The following XPO1 variants were observed in gnomAD, a reference collection of about 807,000 sequenced individuals.
XPO1 encodes the protein exportin 1.
A neutral mutation model predicts 133.3 loss-of-function variants in XPO1; 5 were observed. The observed-to-expected ratio is 0.04, with a 90% CI of 0.02 to 0.08. XPO1 has a LOEUF of 0.08. Among genes scored for constraint, XPO1 ranks in the 10% least tolerant of loss-of-function variants. The pLI is 1.00. For synonymous variants in XPO1, 419 were observed against 408.2 expected, an observed-to-expected ratio of 1.03 and a Z score of -0.32; for missense variants, 506 against 1,267.5, an observed-to-expected ratio of 0.40 and a Z score of 9.12.
At chr2:61,530,808 A>G (rs1434388908) in intron 2 of XPO1, among the ~76,000 whole-genome samples, 3 of 151,594 alleles carry the variant, frequency 2.0e-5, no homozygotes, top group Non-Finnish European at 4.4e-5. Flanking sequence ...TTTTCTTGTC[A>G]TTAGTGCATA....
intron 16 of XPO1, among the ~76,000 whole-genome samples, chr2:61,491,797 G>T (rs1207763548): frequency 6.6e-6 from 1 of 152,000 alleles, no homozygotes; most frequent in African/African-American, 2.4e-5. Context: ...CTACCCACGA[G>T]GCCAAGGTGG....
At chr2:61,534,092 T>A (rs957321649) in intron 1 of XPO1, 189 bp from the exon 2 acceptor site, 2 of 512,154 alleles carry the variant, frequency 3.9e-6, no homozygotes. Flanking sequence ...TATTTGATAA[T>A]TACATAAATT....
chr2:61,519,748 T>G (rs1464241953), intron 4 of XPO1, among the ~76,000 whole-genome samples: 2 of 148,472 alleles, frequency 1.3e-5, no homozygotes, highest in Non-Finnish European at 3.0e-5. Flanking sequence ...TAACATGCTG[T>G]GGACAAGAAC....
Position 61,493,066 on chromosome 2 carries a change from A to G in XPO1, c.1246-13T>C. On this transcript the variant is annotated splice_polypyrimidine_tract_variant and intron_variant, in intron 12 of 24. Coordinates refer to ENST00000401558, the MANE Select transcript of XPO1 (RefSeq NM_003400.4). ...TTAATAAACGGACCTATACTCAACA[A>G]TATATCAATCAAGAAAAAAATCGTT... 6.4e-7 allele frequency: 1 copy of G among 1,556,598 alleles called. No homozygotes were observed. The highest frequency in any genetic ancestry group is 1.7e-4 in the Middle Eastern group (1 of 5,798).
chr2:61,511,746 T>C (rs1252359426), intron 4 of XPO1, among the ~76,000 whole-genome samples: 1 of 151,476 alleles, frequency 6.6e-6, no homozygotes, highest in African/African-American at 2.4e-5. Flanking sequence ...AGCTTACAGA[T>C]ATTTCTTTTT....
In XPO1 at chr2:61,490,744, C is replaced by T; in HGVS notation, c.1920G>A (p.Met640Ile). 1 of 1,614,172 alleles carries T rather than the reference C, an allele frequency of 6.2e-7. No individual in the cohort carries two copies. Among genetic ancestry groups the T allele is most frequent in the Non-Finnish European group, 8.5e-7 (1 of 1,180,024 alleles). The change falls in exon 17 of 25, where the codon ATG becomes ATA. Residue 640 changes from methionine to isoleucine, a missense_variant. Transcript: ENST00000401558. ...VHTFYEAVGY[M>I]IGAQTDQTVQ... ...CTGTTTGATCTGTTTGTGCACCAAT[C>T]ATGTACCCCACAGCTTCATAAAACG... is the stretch of plus-strand genomic sequence containing the variant.
At chr2:61,501,796 T>C (rs1366315160) in intron 6 of XPO1, among the ~76,000 whole-genome samples, 200 bp downstream of exon 6, 1 of 150,120 alleles carries the variant, frequency 6.7e-6, no homozygotes, top group African/African-American at 2.5e-5. Flanking sequence ...GCCACATAAA[T>C]GATGGCTTTA....
intron 3 of XPO1, chr2:61,526,069 T>G: frequency 9.2e-7 from 1 of 1,092,296 alleles, no homozygotes; most frequent in Non-Finnish European, 1.1e-6. Flanking sequence ...GTGCCTGGCC[T>G]GTATTATATT....
At chr2:61,480,415 G>T (rs569922101) in intron 24 of XPO1, 1 of 150,754 alleles carries the variant, frequency 6.6e-6, no homozygotes, top group African/African-American at 2.4e-5. Context: ...AAGTAGCTGC[G>T]AATACAGCTG....
At chr2:61,500,210 C>T (rs916857265) in intron 6 of XPO1, among the ~76,000 whole-genome samples, 23 of 152,004 alleles carry the variant, frequency 1.5e-4, no homozygotes, top group Admixed American at 2.0e-4. Flanking sequence ...AGGCCTTGCG[C>T]GGTTGCTCAT....
At position 61,511,961 on chromosome 2, in the gene XPO1, G is replaced by A. The variant is rs530078721; in HGVS notation, c.302-9651C>T. Among the ~76,000 whole-genome samples, 3 of 151,922 alleles carry A rather than the reference G, an allele frequency of 2.0e-5. No homozygotes were observed. The East Asian group carries it at 5.8e-4, about 30-fold the overall frequency. On this transcript the variant is annotated intron_variant, in intron 4 of 24. Transcript: ENST00000401558. ...TTTTTTGTATTTTTAGTAGAGACGG[G>A]GTTTCACCATGTTGGCCAGACTGGT... is the stretch of plus-strand genomic sequence containing the variant.
At chr2:61,481,522 A>G (rs1368747465) in intron 23 of XPO1, among the ~76,000 whole-genome samples, 5 of 152,034 alleles carry the variant, frequency 3.3e-5, no homozygotes, top group African/African-American at 1.2e-4. Context: ...ACAATCGCAC[A>G]ATCGCGGCTC....
chr2:61,527,871 TG>T (rs933059742), intron 2 of XPO1, among the ~76,000 whole-genome samples: 2 of 152,078 alleles, frequency 1.3e-5, no homozygotes, highest in African/African-American at 4.8e-5. Context: ...CTAAAGTTTA[TG>T]GAAGTCATCT....
chr2:61,495,687 T>A (rs1174789017), intron 10 of XPO1, 74 bp from the exon 11 acceptor site: 3 of 1,385,014 alleles, frequency 2.2e-6, no homozygotes, highest in Non-Finnish European at 2.9e-6. Context: ...TTATTATTAT[T>A]TTTTTGAGAC....
intron 4 of XPO1, among the ~76,000 whole-genome samples, chr2:61,507,046 G>A (rs1558655177): frequency 6.6e-6 from 1 of 151,282 alleles, no homozygotes; most frequent in Admixed American, 6.6e-5. Flanking sequence ...CCTGGCCAAC[G>A]TGGTGAAACC....
chr2:61,534,602 G>C (rs767499955), intron 1 of XPO1: 1 of 152,208 alleles, frequency 6.6e-6, no homozygotes, highest in Non-Finnish European at 1.5e-5. Flanking sequence ...AGAACTGCTT[G>C]AACCCAGGAG....
chr2:61,486,677 T>A (rs983490237), intron 19 of XPO1, among the ~76,000 whole-genome samples: 1 of 152,174 alleles, frequency 6.6e-6, no homozygotes, highest in African/African-American at 2.4e-5. Flanking sequence ...CAGGATGGTC[T>A]TGATTTCCTG....
intron 4 of XPO1, among the ~76,000 whole-genome samples, chr2:61,513,511 C>G (rs12986713): frequency 0.63 from 95,947 of 151,450 alleles, 30,539 homozygotes; most frequent in Middle Eastern, 0.71. Flanking sequence ...CTTTAGTAGA[C>G]ATGCGGTTTC....
intron 10 of XPO1, among the ~76,000 whole-genome samples, chr2:61,496,136 A>G (rs1354368808): frequency 2.0e-5 from 3 of 152,164 alleles, no homozygotes; most frequent in African/African-American, 4.8e-5. Flanking sequence ...TTTTTCTAGT[A>G]TTTCTCACTG....
Sources: gnomAD v4.1 joint callset for allele counts (sites outside exome capture counted in the v4.1 genomes callset) on GRCh38, gnomAD v4.1.1 for gene constraint, MANE v1.5 for transcripts, NCBI Gene and HGNC (gene_info 2026-07-23, HGNC 2026-07-21) for gene names.